Variants in STK3 observed in about 807,000 individuals in gnomAD.
STK3 encodes serine/threonine-protein kinase 3.
A neutral mutation model predicts 58.0 loss-of-function variants in STK3; 41 were observed. The ratio of observed to expected loss-of-function variants is 0.71; its 90% CI spans 0.55 to 0.92. The LOEUF (loss-of-function observed/expected upper bound fraction) is 0.92, where lower values mean the gene tolerates loss of function less well. STK3 is among the 40% of genes least tolerant of loss of function. The probability of loss-of-function intolerance (pLI) is 0.00; values close to 1 mark genes in which losing one functional copy is unlikely to be tolerated. For synonymous variants in STK3, 170 were observed against 191.0 expected, an observed-to-expected ratio of 0.89 and a Z score of 0.91; for missense variants, 479 against 602.7, an observed-to-expected ratio of 0.79 and a Z score of 2.15.
At chr8:98,543,509 C>G (rs1810454210) in intron 9 of STK3, among the ~76,000 whole-genome samples, 1 of 152,132 alleles carries the variant, frequency 6.6e-6, no homozygotes. Flanking sequence ...GGGGGCAGAA[C>G]TGATGAGATG....
intron 3 of STK3, among the ~76,000 whole-genome samples, chr8:98,861,429 T>C (rs1302100920): frequency 1.4e-5 from 2 of 137,946 alleles, no homozygotes; most frequent in African/African-American, 5.3e-5. Context: ...CTCACTGCAA[T>C]CTCCGCCTCC....
intron 1 of STK3, among the ~76,000 whole-genome samples, chr8:98,931,604 A>G (rs1840007468): frequency 6.6e-6 from 1 of 152,220 alleles, no homozygotes; most frequent in African/African-American, 2.4e-5. Context: ...GGTAACAGTG[A>G]ACAGCCAGGA....
Position 98,825,625 on chromosome 8 carries a change from A to C in STK3, c.-85T>G. Reference sequence around the variant, plus strand: ...GCCGGGGCACCGGCCGGCCGAGCCTAGGGCACCACAGAGGGAAACTCTGGG... The same window carrying C: ...GCCGGGGCACCGGCCGGCCGAGCCTCGGGCACCACAGAGGGAAACTCTGGG... On this transcript the variant is annotated 5_prime_UTR_variant, in exon 1 of 11. Transcript: ENST00000419617. 7.6e-7 allele frequency: 1 copy of C among 1,316,304 alleles called. No homozygotes were observed. Among genetic ancestry groups the C allele is most frequent in the South Asian group, 1.8e-5 (1 of 54,370 alleles). The allele number at this position is 1,316,304 out of a possible 1,614,324, so 81.5% of individuals were successfully genotyped here. A position where few individuals can be genotyped will look rare whatever the true frequency, so the allele number is the denominator to read the frequency against.
At chr8:98,442,104 C>T (rs969993518) in intron 1 of STK3, among the ~76,000 whole-genome samples, 1 of 152,370 alleles carries the variant, frequency 6.6e-6, no homozygotes, top group South Asian at 2.1e-4. Context: ...TCTTCTCACT[C>T]TTCTTTGTCC....
intron 6 of STK3, among the ~76,000 whole-genome samples, chr8:98,605,388 G>A (rs1816695584): frequency 6.6e-6 from 1 of 151,626 alleles, no homozygotes. Context: ...GGAGACCTCA[G>A]GAAACTTACA....
At chr8:98,591,408 C>A (rs1320131287) in intron 7 of STK3, among the ~76,000 whole-genome samples, 2 of 152,150 alleles carry the variant, frequency 1.3e-5, no homozygotes, top group Non-Finnish European at 2.9e-5. Context: ...TATTTTAACA[C>A]CTTTTTGACT....
chr8:98,820,616 C>G (rs1834826970), intron 1 of STK3, among the ~76,000 whole-genome samples: 1 of 152,140 alleles, frequency 6.6e-6, no homozygotes, highest in Non-Finnish European at 1.5e-5. Flanking sequence ...GGTCATTTAC[C>G]TTTCTACCTA....
chr8:98,795,339 A>T (rs1458313607), intron 1 of STK3, among the ~76,000 whole-genome samples: 16 of 18,020 alleles, frequency 8.9e-4, no homozygotes, highest in Non-Finnish European at 1.7e-3. Flanking sequence ...CTTCATGATA[A>T]AAAAAAAAAA....
intron 3 of STK3, chr8:98,413,431 T>G: frequency 3.5e-6 from 2 of 572,664 alleles, no homozygotes; most frequent in Non-Finnish European, 6.9e-6. Context: ...CTCACTTTCC[T>G]GGGGTCCAGA....
the STK3 span, among the ~76,000 whole-genome samples, chr8:98,355,649 C>T: frequency 6.6e-6 from 1 of 152,318 alleles, no homozygotes; most frequent in East Asian, 1.9e-4. Context: ...GCTTCCTGGT[C>T]CCCATAGCTA....
chr8:98,367,385 TC>T (rs1223068047), downstream of STK3, among the ~76,000 whole-genome samples: 1 of 152,082 alleles, frequency 6.6e-6, no homozygotes, highest in Non-Finnish European at 1.5e-5. Context: ...TTTGGATCGC[TC>T]CCCCTTCCAC....
chr8:98,511,263 T>C (rs1824491981), intron 10 of STK3, among the ~76,000 whole-genome samples: 1 of 152,018 alleles, frequency 6.6e-6, no homozygotes, highest in Non-Finnish European at 1.5e-5. Context: ...TATCTAATAA[T>C]TCAGTATTTA....
At chr8:98,551,148 C>G (rs1201733136) in intron 8 of STK3, among the ~76,000 whole-genome samples, 1 of 152,154 alleles carries the variant, frequency 6.6e-6, no homozygotes, top group African/African-American at 2.4e-5. Context: ...TCCCCTCTAT[C>G]CATTTAACTA....
intron 3 of STK3, among the ~76,000 whole-genome samples, chr8:98,876,748 G>A (rs892332598): frequency 6.6e-6 from 1 of 152,226 alleles, no homozygotes; most frequent in African/African-American, 2.4e-5. Flanking sequence ...CTAAGAAGCT[G>A]TGCGAAAGTG....
chr8:98,595,264 T>C (rs1273166091), intron 7 of STK3: 1 of 151,966 alleles, frequency 6.6e-6, no homozygotes, highest in East Asian at 1.9e-4. Flanking sequence ...ATACATCCTT[T>C]TGGAAAAATG....
chr8:98,394,517 G>GA (rs1389588579), intron 3 of STK3, among the ~76,000 whole-genome samples: 4 of 151,650 alleles, frequency 2.6e-5, no homozygotes, highest in South Asian at 2.1e-4. Flanking sequence ...CCCATCTCTA[G>GA]AAAAAAACAA....
chr8:98,799,608 A>T (rs1833387240), intron 1 of STK3, among the ~76,000 whole-genome samples: 1 of 152,104 alleles, frequency 6.6e-6, no homozygotes, highest in Non-Finnish European at 1.5e-5. Flanking sequence ...CGGCACCTGC[A>T]CCTTAGTCTT....
At chr8:98,640,094 C>T (rs538637469) in intron 6 of STK3, among the ~76,000 whole-genome samples, 190 of 152,296 alleles carry the variant, frequency 1.2e-3, no homozygotes, top group Non-Finnish European at 2.4e-3. Context: ...CACCCCATCA[C>T]CCAGGCTGGA....
chr8:98,811,069 T>C (rs1465123194), intron 1 of STK3, among the ~76,000 whole-genome samples: 1 of 152,192 alleles, frequency 6.6e-6, no homozygotes, highest in Non-Finnish European at 1.5e-5. Context: ...TCTTCATTAA[T>C]TACCCAGTCT....
Sources: allele counts gnomAD v4.1 joint callset (sites outside exome capture counted in the v4.1 genomes callset), GRCh38; gene constraint gnomAD v4.1.1; transcripts MANE v1.5; gene names NCBI Gene and HGNC (gene_info 2026-07-23, HGNC 2026-07-21).